BMP6: variants seen among roughly 807,000 people sequenced by gnomAD.
BMP6 encodes the protein VG-1-R.
BMP6 carries 17 observed loss-of-function variants against 54.1 expected under a neutral mutation model. That is an observed-to-expected ratio of 0.31 (90% CI 0.22 to 0.47). The LOEUF is 0.47. Among genes scored for constraint, BMP6 ranks in the 20% least tolerant of loss-of-function variants. BMP6 has a pLI of 1.00. For missense variants in BMP6, 720 were observed against 690.4 expected, an observed-to-expected ratio of 1.04 and a Z score of -0.48; for synonymous variants, 328 against 291.2, an observed-to-expected ratio of 1.13 and a Z score of -1.28.
intron 4 of BMP6, among the ~76,000 whole-genome samples, chr6:7,878,544 C>T (rs945447946): frequency 6.6e-5 from 10 of 152,348 alleles, no homozygotes; most frequent in African/African-American, 2.2e-4. Flanking sequence ...AGCATTGCCC[C>T]TGCGTGGTGT....
chr6:7,741,697 T>C (rs1561756428), intron 1 of BMP6, among the ~76,000 whole-genome samples: 1 of 152,230 alleles, frequency 6.6e-6, no homozygotes, highest in East Asian at 1.9e-4. Flanking sequence ...CCTCCAAAAG[T>C]GCTGGGCTTA....
chr6:7,754,663 T>A (rs139226076), intron 1 of BMP6, among the ~76,000 whole-genome samples: 13 of 152,330 alleles, frequency 8.5e-5, no homozygotes, highest in African/African-American at 2.4e-4. Flanking sequence ...ATATGACCAC[T>A]CTAGCTTTCT....
intron 1 of BMP6, among the ~76,000 whole-genome samples, chr6:7,729,789 G>C (rs1761819591): frequency 6.6e-6 from 1 of 152,192 alleles, no homozygotes; most frequent in Non-Finnish European, 1.5e-5. Context: ...GGAGGTAGGG[G>C]GGAACGCCTT....
intron 1 of BMP6, among the ~76,000 whole-genome samples, chr6:7,776,042 C>T (rs1303170427): frequency 2.0e-5 from 3 of 152,280 alleles, no homozygotes; most frequent in Non-Finnish European, 2.9e-5. Context: ...ACTTTCTGTG[C>T]TTTTCTTTAA....
At chr6:7,786,390 G>T (rs1232739676) in intron 1 of BMP6, among the ~76,000 whole-genome samples, 1 of 151,462 alleles carries the variant, frequency 6.6e-6, no homozygotes, top group African/African-American at 2.4e-5. Context: ...CACACTTAGA[G>T]AATTCTGGTC....
chr6:7,731,127 GTGTCACC>G (rs1561752684), intron 1 of BMP6, among the ~76,000 whole-genome samples: 1 of 152,224 alleles, frequency 6.6e-6, no homozygotes, highest in East Asian at 1.9e-4. Context: ...AGGCTGGGAT[GTGTCACC>G]TTCTAAATGC....
At chr6:7,755,194 G>A (rs1757494808) in intron 1 of BMP6, among the ~76,000 whole-genome samples, 1 of 152,108 alleles carries the variant, frequency 6.6e-6, no homozygotes, top group Admixed American at 6.5e-5. Flanking sequence ...TTATTGATGT[G>A]TCTGGGTGTA....
chr6:7,789,373 A>G (rs1349969422), intron 1 of BMP6, among the ~76,000 whole-genome samples: 1 of 152,242 alleles, frequency 6.6e-6, no homozygotes, highest in Non-Finnish European at 1.5e-5. Context: ...TTTGTAGTGC[A>G]TGACTCTTAC....
At chr6:7,877,659 T>G (rs1029170333) in intron 4 of BMP6, among the ~76,000 whole-genome samples, 8 of 151,916 alleles carry the variant, frequency 5.3e-5, no homozygotes, top group African/African-American at 1.9e-4. Flanking sequence ...ATCTGCACGC[T>G]CTCTCCTGCT....
At chr6:7,731,854 T>G (rs1371243240) in intron 1 of BMP6, among the ~76,000 whole-genome samples, 1 of 152,218 alleles carries the variant, frequency 6.6e-6, no homozygotes, top group Non-Finnish European at 1.5e-5. Flanking sequence ...AACATTTAAT[T>G]AAATATCTGC....
chr6:7,857,876 G>A (rs1025549908), intron 2 of BMP6, among the ~76,000 whole-genome samples: 1 of 152,310 alleles, frequency 6.6e-6, no homozygotes, highest in Admixed American at 6.5e-5. Flanking sequence ...CCTTTTTCAA[G>A]TTCCTCTCCC....
chr6:7,766,681 A>G (rs1220719261), intron 1 of BMP6, among the ~76,000 whole-genome samples: 1 of 152,194 alleles, frequency 6.6e-6, no homozygotes, highest in African/African-American at 2.4e-5. Context: ...TTCATAGACA[A>G]TTTCCTTGCT....
intron 1 of BMP6, among the ~76,000 whole-genome samples, chr6:7,789,699 CG>C (rs1230918473): frequency 6.6e-6 from 1 of 152,060 alleles, no homozygotes; most frequent in Non-Finnish European, 1.5e-5. Context: ...TGGAAGTACT[CG>C]GGGCTGGTTA....
chr6:7,811,513 C>T (rs911995004), intron 1 of BMP6, among the ~76,000 whole-genome samples: 4 of 152,110 alleles, frequency 2.6e-5, no homozygotes, highest in Admixed American at 1.3e-4. Context: ...TGTATGTTCC[C>T]GGAGAAAAGC....
At chr6:7,821,799 C>G (rs1195347608) in intron 1 of BMP6, among the ~76,000 whole-genome samples, 1 of 152,196 alleles carries the variant, frequency 6.6e-6, no homozygotes, top group African/African-American at 2.4e-5. Context: ...TCAATATATT[C>G]ATTCTTAAGC....
At chr6:7,790,176 A>T (rs545738371) in intron 1 of BMP6, among the ~76,000 whole-genome samples, 2 of 152,234 alleles carry the variant, frequency 1.3e-5, no homozygotes, top group South Asian at 4.1e-4. Flanking sequence ...TAATTGCTAC[A>T]GTCAGCTTTC....
At chr6:7,733,583 G>A (rs527406229) in intron 1 of BMP6, among the ~76,000 whole-genome samples, 1 of 152,192 alleles carries the variant, frequency 6.6e-6, no homozygotes, top group South Asian at 2.1e-4. Flanking sequence ...GGTGTCACCT[G>A]GGGGGCAGAT....
At chr6:7,755,232 A>G (rs939356806) in intron 1 of BMP6, among the ~76,000 whole-genome samples, 1 of 151,750 alleles carries the variant, frequency 6.6e-6, no homozygotes, top group Non-Finnish European at 1.5e-5. Flanking sequence ...TTTGTTTTCT[A>G]TTTGTCCCAT....
chr6:7,803,474 A>C (rs1468065365), intron 1 of BMP6, among the ~76,000 whole-genome samples: 1 of 152,078 alleles, frequency 6.6e-6, no homozygotes, highest in African/African-American at 2.4e-5. Context: ...GCTTGTCTTA[A>C]TCTTTCATTT....
Sources: allele counts gnomAD v4.1 joint callset (sites outside exome capture counted in the v4.1 genomes callset), GRCh38; gene constraint gnomAD v4.1.1; transcripts MANE v1.5; gene names NCBI Gene and HGNC (gene_info 2026-07-23, HGNC 2026-07-21).